MXI1: variants seen among roughly 807,000 people sequenced by gnomAD.
MXI1 encodes the protein max-interacting protein 1.
MXI1 carries 18 observed loss-of-function variants against 36.9 expected under a neutral mutation model. The ratio of observed to expected loss-of-function variants is 0.49; its 90% CI spans 0.34 to 0.72. The LOEUF is 0.72. MXI1 is among the 30% of genes least tolerant of loss of function. The pLI is 0.01. For synonymous variants in MXI1, 160 were observed against 146.7 expected (o/e 1.09, Z -0.65); for missense variants, 304 against 379.1 (o/e 0.80, Z 1.64).
chr10:110,283,059 T>C (rs932965854), intron 5 of MXI1, among the ~76,000 whole-genome samples: 1 of 152,146 alleles, frequency 6.6e-6, no homozygotes, highest in African/African-American at 2.4e-5. Context: ...GTAGGTTGGA[T>C]GAGTGTTCAG....
intron 1 of MXI1, among the ~76,000 whole-genome samples, chr10:110,220,444 G>A (rs151283530): frequency 2.0e-3 from 299 of 152,328 alleles, no homozygotes; most frequent in African/African-American, 7.1e-3. Context: ...TATAAGTGCT[G>A]CATCTGAGGC....
Position 110,274,428 on chromosome 10 carries a change from A to G in MXI1, c.438-4752A>G, listed in dbSNP as rs115011253. ...ATTGTGTAACCCCATCCCTCTCAGC[A>G]AGGGGACTCCAGTTTTCTCACAGGG... On this transcript the variant is annotated intron_variant, in intron 3 of 5. Coordinates refer to ENST00000332674, the MANE Select transcript of MXI1 (RefSeq NM_130439.3). Among the ~76,000 whole-genome samples the G allele has an allele frequency of 2.9e-3, 438 of 152,156 alleles. 3 individuals carry two copies. The highest frequency in any genetic ancestry group is 0.01 in the African/African-American group (417 of 41,420).
At chr10:110,238,299 C>T (rs893376004) in intron 2 of MXI1, among the ~76,000 whole-genome samples, 1 of 152,200 alleles carries the variant, frequency 6.6e-6, no homozygotes, top group Non-Finnish European at 1.5e-5. Context: ...TGACCATCCC[C>T]TATCCTGAGT....
intron 3 of MXI1, among the ~76,000 whole-genome samples, chr10:110,262,996 C>A (rs982967431): frequency 1.4e-4 from 22 of 152,156 alleles, no homozygotes; most frequent in Admixed American, 7.2e-4. Context: ...CTTTCTAGAT[C>A]ATTTATATTC....
intron 1 of MXI1, among the ~76,000 whole-genome samples, chr10:110,215,825 T>TGGA (rs1348205226): frequency 6.6e-6 from 1 of 152,044 alleles, no homozygotes; most frequent in African/African-American, 2.4e-5. Context: ...ATTCAAGTCT[T>TGGA]GGAGGATCCT....
At chr10:110,234,078 C>G (rs1197215367) in intron 2 of MXI1, among the ~76,000 whole-genome samples, 1 of 152,174 alleles carries the variant, frequency 6.6e-6, no homozygotes, top group Non-Finnish European at 1.5e-5. Context: ...ATGGTGATTG[C>G]TTAAGCCTTA....
intron 3 of MXI1, among the ~76,000 whole-genome samples, chr10:110,250,370 A>G (rs1564716634): frequency 6.6e-6 from 1 of 152,166 alleles, no homozygotes; most frequent in Non-Finnish European, 1.5e-5. Flanking sequence ...GGTAAACTTA[A>G]TGAGACTTTG....
chr10:110,230,331 G>A (rs1207400435), intron 2 of MXI1, among the ~76,000 whole-genome samples: 1 of 152,098 alleles, frequency 6.6e-6, no homozygotes, highest in African/African-American at 2.4e-5. Context: ...ATTATGTGTG[G>A]GACCACAGTG....
chr10:110,208,179 G>A, intron 1 of MXI1, 97 bp downstream of exon 1: 1 of 1,256,102 alleles, frequency 8.0e-7, no homozygotes, highest in Non-Finnish European at 1.1e-6. Context: ...TCCCCCCCCC[G>A]CCCAACATAC....
At chr10:110,252,077 TGAA>T (rs1297850496) in intron 3 of MXI1, among the ~76,000 whole-genome samples, 1 of 152,130 alleles carries the variant, frequency 6.6e-6, no homozygotes, top group Non-Finnish European at 1.5e-5. Flanking sequence ...GGATGCTTTC[TGAA>T]GTAGTCCATA....
intron 3 of MXI1, among the ~76,000 whole-genome samples, chr10:110,252,322 T>C (rs1347191511): frequency 1.3e-5 from 2 of 152,188 alleles, no homozygotes; most frequent in Admixed American, 6.5e-5. Context: ...CAGTCTTCCA[T>C]TGGCTTCTCA....
chr10:110,219,661 G>T (rs1376441394), intron 1 of MXI1, among the ~76,000 whole-genome samples: 1 of 152,132 alleles, frequency 6.6e-6, no homozygotes, highest in African/African-American at 2.4e-5. Flanking sequence ...CATTTATCCT[G>T]TATCCTGCTC....
chr10:110,225,460 C>G (rs889268277), intron 1 of MXI1, among the ~76,000 whole-genome samples: 4 of 151,842 alleles, frequency 2.6e-5, no homozygotes, highest in Non-Finnish European at 5.9e-5. Context: ...GAAATCATCC[C>G]TCGTTTTTGA....
intron 3 of MXI1, among the ~76,000 whole-genome samples, chr10:110,263,482 A>C (rs1033782092): frequency 2.0e-5 from 3 of 152,198 alleles, no homozygotes; most frequent in African/African-American, 7.2e-5. Context: ...AGATGAAAGT[A>C]CATTTTTTTT....
At chr10:110,214,532 G>GA (rs939765825) in intron 1 of MXI1, among the ~76,000 whole-genome samples, 24 of 149,644 alleles carry the variant, frequency 1.6e-4, no homozygotes, top group East Asian at 5.9e-4. Context: ...TTTGCCTTTT[G>GA]AAAAAAAAAC....
rs34296187 is a variant in MXI1 at position 110,283,554 on chromosome 10, C to CTT, written c.725-1256_725-1255dup. Reference sequence around the variant, plus strand: ...GCTTGGCCGCACCCGGCTGAATCCACTTTTTTTTTTTTTTTAAAGCAGTTG... The same window carrying CTT: ...GCTTGGCCGCACCCGGCTGAATCCACTTTTTTTTTTTTTTTTTAAAGCAGTTG... On this transcript the variant is annotated intron_variant, in intron 5 of 5. Transcript: ENST00000332674. Among the ~76,000 whole-genome samples the CTT allele has an allele frequency of 1.0e-3, 151 of 146,276 alleles. 1 individual carries two copies. The highest frequency in any genetic ancestry group is 3.5e-3 in the African/African-American group (137 of 39,416).
At chr10:110,278,094 TTGTGGATTTTCTTTTCAGATA>T (rs1475749734) in intron 3 of MXI1, among the ~76,000 whole-genome samples, 1 of 152,216 alleles carries the variant, frequency 6.6e-6, no homozygotes, top group Non-Finnish European at 1.5e-5. Flanking sequence ...GTGAACGTAT[TTGTGGATTTTCTTTTCAGATA>T]TGCTGTTAAC....
In MXI1 at chr10:110,249,933, C is replaced by T. The variant is rs979583116; in HGVS notation, c.437+5076C>T. On this transcript the variant is annotated intron_variant, in intron 3 of 5. Coordinates refer to ENST00000332674, the MANE Select transcript of MXI1 (RefSeq NM_130439.3). ...TCCAGATAGCTATCTCAAACAAAAC[C>T]GTGAGATTGTTGAAGCCCTGGGGTC... Among the ~76,000 whole-genome samples the T allele has an allele frequency of 7.9e-5, 12 of 152,164 alleles. No homozygotes were observed. In the South Asian group the frequency reaches 1.0e-3, roughly 13 times the overall value.
intron 5 of MXI1, 69 bp downstream of exon 5, chr10:110,280,154 T>G: frequency 7.5e-7 from 1 of 1,331,102 alleles, no homozygotes; most frequent in Middle Eastern, 2.0e-4. Context: ...GAAGGTATGT[T>G]GGGAGGCACT....
Sources: gnomAD v4.1 joint callset for allele counts (sites outside exome capture counted in the v4.1 genomes callset) on GRCh38, gnomAD v4.1.1 for gene constraint, MANE v1.5 for transcripts, NCBI Gene and HGNC (gene_info 2026-07-23, HGNC 2026-07-21) for gene names.